SPAG16: variants seen among roughly 807,000 people sequenced by gnomAD.
SPAG16 encodes the protein sperm associated antigen 16.
A neutral mutation model predicts 80.4 loss-of-function variants in SPAG16; 86 were observed. The observed-to-expected ratio is 1.07, with a 90% CI of 0.90 to 1.28. The LOEUF (loss-of-function observed/expected upper bound fraction) is 1.28, where lower values mean the gene tolerates loss of function less well. SPAG16 is among the 50% of genes most tolerant of loss of function. SPAG16 has a pLI of 0.00. For missense variants in SPAG16, 870 were observed against 765.3 expected (o/e 1.14, Z -1.61); for synonymous variants, 294 against 265.9 (o/e 1.11, Z -1.03).
chr2:214,160,317 T>A (rs1413667731), intron 15 of SPAG16, among the ~76,000 whole-genome samples: 2 of 151,972 alleles, frequency 1.3e-5, no homozygotes, highest in East Asian at 3.9e-4. Context: ...ATGCCTTTCA[T>A]AATATTTGAT....
chr2:214,121,077 A>G (rs1004755345), intron 14 of SPAG16, among the ~76,000 whole-genome samples: 1 of 151,778 alleles, frequency 6.6e-6, no homozygotes, highest in Non-Finnish European at 1.5e-5. Context: ...TTGTCTGTTT[A>G]CTTTTTTCAA....
At chr2:214,164,470 A>C (rs574864565) in intron 15 of SPAG16, among the ~76,000 whole-genome samples, 1 of 152,084 alleles carries the variant, frequency 6.6e-6, no homozygotes, top group South Asian at 2.1e-4. Context: ...AGCAGTGCAA[A>C]AGATTTAAAT....
intron 15 of SPAG16, among the ~76,000 whole-genome samples, chr2:214,194,492 T>C (rs2125704641): frequency 6.6e-6 from 1 of 152,238 alleles, no homozygotes; most frequent in South Asian, 2.1e-4. Flanking sequence ...CTTCACATTG[T>C]CAAATTGACA....
At chr2:214,370,320 G>T (rs1252520031) in intron 15 of SPAG16, among the ~76,000 whole-genome samples, 2 of 151,982 alleles carry the variant, frequency 1.3e-5, no homozygotes, top group Non-Finnish European at 2.9e-5. Context: ...ATTGCTATGT[G>T]TCCACTCCCA....
intron 15 of SPAG16, among the ~76,000 whole-genome samples, chr2:214,158,646 A>G (rs1437757380): frequency 1.3e-5 from 2 of 152,022 alleles, no homozygotes; most frequent in African/African-American, 2.4e-5. Flanking sequence ...AAGGAGTGTC[A>G]TTGGTTAATT....
chr2:213,561,359 A>T (rs1415900973), intron 10 of SPAG16, among the ~76,000 whole-genome samples: 1 of 152,208 alleles, frequency 6.6e-6, no homozygotes, highest in South Asian at 2.1e-4. Context: ...TATTGACTAC[A>T]TATTCTGGTT....
chr2:213,350,728 T>C (rs1032351920), intron 7 of SPAG16, 83 bp downstream of exon 7: 12 of 778,134 alleles, frequency 1.5e-5, no homozygotes, highest in Non-Finnish European at 2.4e-5. Flanking sequence ...ATTTTGTTTC[T>C]GAGATTAATT....
chr2:213,711,305 A>G (rs1056305636), intron 10 of SPAG16, among the ~76,000 whole-genome samples: 19 of 152,112 alleles, frequency 1.2e-4, no homozygotes, highest in African/African-American at 4.6e-4. Flanking sequence ...TGATCTGAAT[A>G]TATAAAATAT....
intron 13 of SPAG16, among the ~76,000 whole-genome samples, chr2:214,063,168 C>T (rs2050365155): frequency 1.3e-5 from 2 of 151,924 alleles, no homozygotes; most frequent in South Asian, 4.2e-4. Flanking sequence ...AGCTCAATAG[C>T]CATGTGTGAT....
intron 10 of SPAG16, among the ~76,000 whole-genome samples, chr2:213,544,837 T>G (rs1292658055): frequency 6.6e-6 from 1 of 152,152 alleles, no homozygotes; most frequent in African/African-American, 2.4e-5. Flanking sequence ...TCTCCGTTTC[T>G]TTTTGAGACT....
intron 10 of SPAG16, among the ~76,000 whole-genome samples, chr2:213,790,553 A>T (rs1413067227): frequency 6.6e-6 from 1 of 151,826 alleles, no homozygotes; most frequent in Non-Finnish European, 1.5e-5. Context: ...TAATATATTT[A>T]AAATATTAAT....
chr2:213,812,903 A>T (rs529091236), intron 10 of SPAG16, among the ~76,000 whole-genome samples: 1 of 152,008 alleles, frequency 6.6e-6, no homozygotes, highest in African/African-American at 2.4e-5. Context: ...AAAGAAGGTT[A>T]TGAGGTTTGT....
chr2:213,458,532 G>A (rs532080283), intron 9 of SPAG16, among the ~76,000 whole-genome samples: 3 of 152,198 alleles, frequency 2.0e-5, no homozygotes, highest in South Asian at 2.1e-4. Context: ...AGATCGCGCC[G>A]CTGCACTCCA....
At chr2:214,255,582 GC>G (rs1690621319) in intron 15 of SPAG16, among the ~76,000 whole-genome samples, 1 of 151,744 alleles carries the variant, frequency 6.6e-6, no homozygotes, top group African/African-American at 2.4e-5. Flanking sequence ...TTTCCATGAG[GC>G]AGTGCAACTC....
At chr2:214,117,059 A>C (rs535905317) in intron 14 of SPAG16, among the ~76,000 whole-genome samples, 1 of 152,348 alleles carries the variant, frequency 6.6e-6, no homozygotes, top group African/African-American at 2.4e-5. Flanking sequence ...GTCATCTCTC[A>C]GACAAAGAAT....
chr2:214,283,807 T>G (rs1053469491), intron 15 of SPAG16, among the ~76,000 whole-genome samples: 1 of 152,170 alleles, frequency 6.6e-6, no homozygotes, highest in Non-Finnish European at 1.5e-5. Context: ...GCCAATTCCT[T>G]TCTCATCTGT....
intron 12 of SPAG16, among the ~76,000 whole-genome samples, chr2:213,931,115 C>A (rs561021502): frequency 6.6e-6 from 1 of 152,016 alleles, no homozygotes; most frequent in Non-Finnish European, 1.5e-5. Context: ...TTTTTAGTTA[C>A]TTAGTTAGCA....
intron 10 of SPAG16, among the ~76,000 whole-genome samples, chr2:213,557,558 A>T (rs1206178931): frequency 6.6e-6 from 1 of 152,170 alleles, no homozygotes; most frequent in African/African-American, 2.4e-5. Context: ...AATGAAAAGT[A>T]AAGGCAAGAA....
chr2:213,734,470 C>G (rs1249036694), intron 10 of SPAG16, among the ~76,000 whole-genome samples: 1 of 152,114 alleles, frequency 6.6e-6, no homozygotes, highest in Non-Finnish European at 1.5e-5. Flanking sequence ...TAAGATAAAA[C>G]TTTTATTATA....
Sources: allele counts gnomAD v4.1 joint callset (sites outside exome capture counted in the v4.1 genomes callset), GRCh38; gene constraint gnomAD v4.1.1; transcripts MANE v1.5; gene names NCBI Gene and HGNC (gene_info 2026-07-23, HGNC 2026-07-21).